The following SHC1 variants were observed in gnomAD, a reference collection of about 807,000 sequenced individuals.
SHC1 encodes SHC adaptor protein 1.
A neutral mutation model predicts 55.9 loss-of-function variants in SHC1; 30 were observed. The observed-to-expected ratio is 0.54, with a 90% CI of 0.40 to 0.73. The LOEUF (loss-of-function observed/expected upper bound fraction) is 0.73, where lower values mean the gene tolerates loss of function less well. Among genes scored for constraint, SHC1 ranks in the 30% least tolerant of loss-of-function variants. The probability of loss-of-function intolerance (pLI) is 0.00; values close to 1 mark genes in which losing one functional copy is unlikely to be tolerated. For synonymous variants in SHC1, 309 were observed against 306.1 expected (o/e 1.01, Z -0.10); for missense variants, 675 against 777.1 (o/e 0.87, Z 1.56).
chr1:154,974,220 A>C (rs6661212), upstream of SHC1: 7,657 of 166,374 alleles, frequency 0.046, 236 homozygotes, highest in Middle Eastern at 0.1. Flanking sequence ...AGAGTGAGTC[A>C]CCTAAGGAGA....
intron 2 of SHC1, 142 bp downstream of exon 2, chr1:154,969,236 A>G (rs557992749): frequency 3.0e-6 from 2 of 661,832 alleles, no homozygotes; most frequent in South Asian, 3.5e-5. Flanking sequence ...AGGCGGAATC[A>G]CTACCTCAGC....
In SHC1 at chr1:154,970,147, C is replaced by G; in HGVS notation, c.380G>C (p.Gly127Ala). 6.2e-7 allele frequency: 1 copy of G among 1,613,428 alleles called. No individual in the cohort carries two copies. Among genetic ancestry groups the G allele is most frequent in the African/African-American group, 1.3e-5 (1 of 75,026 alleles). The change falls in exon 1 of 12, where the codon GGC (glycine) becomes GCC (alanine). Residue 127 changes from glycine to alanine, a missense_variant. This residue lies in a region of SHC1 where 159 missense variants were observed against 246.9 expected (regional missense o/e 0.64). Coordinates refer to ENST00000448116, the MANE Select transcript of SHC1 (RefSeq NM_001130040.2). This position sits in a 1 kb window ranked among gnomAD's most constrained non-coding sequence, Gnocchi z 5.5. The stretch of plus-strand genomic sequence containing the variant: ...GGTCCACTCCTCGCCCCCAAGCTGG[C>G]CCCCTTCCACCCGAGTCCTGCGCCC... ...GGGRRTRVEG[G>A]QLGGEEWTRH...
At chr1:154,964,167 G>A (rs760385145) in intron 11 of SHC1, 3 of 652,798 alleles carry the variant, frequency 4.6e-6, no homozygotes, top group South Asian at 4.4e-5. Context: ...CTGAAAGAGT[G>A]AAGCTGAGAG....
At position 154,968,004 on chromosome 1, in the gene SHC1, C is replaced by T; in HGVS notation, c.832G>A (p.Ala278Thr). Residue 278 changes from alanine to threonine, a missense_variant, in exon 6 of 12, where the codon GCC becomes ACC. This residue lies in a region of SHC1 where 159 missense variants were observed against 246.9 expected (regional missense o/e 0.64). Transcript: ENST00000448116. ...CCTCTCTGATTCACAGGGTCTTTGG[C>T]AACATAGGCGACATACTCGGCTGTG... is the stretch of plus-strand genomic sequence containing the variant. ...PDTAEYVAYVAKDPVNQRACH... is the reference protein window; with the variant it reads ...PDTAEYVAYVTKDPVNQRACH... The T allele has an allele frequency of 6.2e-7, 1 of 1,614,152 alleles. No individual in the cohort carries two copies. The highest frequency in any genetic ancestry group is 1.1e-5 in the South Asian group (1 of 91,078).
rs569637595 is a variant in SHC1 at position 154,967,343 on chromosome 1, A to G, written c.983+328T>C. ...AACCCAAATTCTTGATGGCTTCTAG[A>G]GGCAGGAAAACACATAATGCCAAGC... On this transcript the variant is annotated intron_variant, in intron 7 of 11. Transcript: ENST00000448116. Among the ~76,000 whole-genome samples, 10 of 152,282 alleles carry G rather than the reference A, an allele frequency of 6.6e-5. 1 individual carries two copies. The highest frequency in any genetic ancestry group is 2.2e-4 in the African/African-American group (9 of 41,552).
Position 154,968,258 on chromosome 1 carries a change from C to A in SHC1, c.751-1G>T. ...ATTGCATGTGGTGGTTGGCGATGAT[C>A]TGAGAATTAGGGCAGGGGATGAAGA... On this transcript the variant is annotated splice_acceptor_variant, in intron 4 of 11. Transcript: ENST00000448116. LOFTEE classifies it high-confidence loss of function. The A allele has an allele frequency of 6.2e-7, 1 of 1,614,136 alleles. No homozygotes were observed. The highest frequency in any genetic ancestry group is 8.5e-7 in the Non-Finnish European group (1 of 1,180,002).
At chr1:154,964,373 C>CAA in intron 11 of SHC1, 5 of 359,642 alleles carry the variant, frequency 1.4e-5, no homozygotes, top group Non-Finnish European at 1.7e-5. Context: ...CCATCTCTAC[C>CAA]AAAAAAAAAA....
At chr1:154,964,184 AC>A in intron 11 of SHC1, 1 of 599,698 alleles carries the variant, frequency 1.7e-6, no homozygotes, top group South Asian at 1.5e-5. Context: ...AGAGCTATAT[AC>A]CCCTTTCTTG....
rs143810461 is a variant in SHC1 at position 154,965,625 on chromosome 1, G to A, written c.1544C>T (p.Thr515Met). The stretch of plus-strand genomic sequence containing the variant: ...GAGCACATACTGGCCAGGTGTGGTC[G>A]TGCTCTCCCGTACCAGGAAGTCCCC... ...LNGDFLVRES[T>M]TTPGQYVLTG... The change falls in exon 11 of 12, where the codon ACG becomes ATG. Residue 515 changes from threonine to methionine, a missense_variant. Thr to Met is a moderately conservative substitution (Grantham distance 81). Around this residue, in one of 3 missense-constraint regions of SHC1, gnomAD observed 360 missense variants for 371.1 expected, o/e 0.97. Coordinates refer to ENST00000448116, the MANE Select transcript of SHC1 (RefSeq NM_001130040.2). 35 of 1,613,998 alleles carry A rather than the reference G, an allele frequency of 2.2e-5. No individual in the cohort carries two copies. The highest frequency in any genetic ancestry group is 2.0e-4 in the Admixed American group (12 of 59,994).
intron 11 of SHC1, chr1:154,964,228 A>G (rs1190448458): frequency 2.0e-6 from 1 of 510,086 alleles, no homozygotes; most frequent in Non-Finnish European, 4.0e-6. Flanking sequence ...TCAGAAGAGT[A>G]TACACAGTGC....
chr1:154,974,088 G>A (rs2102214966), upstream of SHC1, among the ~76,000 whole-genome samples: 1 of 152,190 alleles, frequency 6.6e-6, no homozygotes, highest in Non-Finnish European at 1.5e-5. Flanking sequence ...TAAAAATCAA[G>A]TCGGGGTTCG....
At chr1:154,968,279 G>A (rs374354220) in intron 4 of SHC1, 22 bp from the exon 5 acceptor site, 54 of 1,613,152 alleles carry the variant, frequency 3.3e-5, no homozygotes, top group Middle Eastern at 1.6e-4. Context: ...GGCAGGGGAT[G>A]AAGAAGGAAG....
chr1:154,969,375 A>C lies in SHC1; in HGVS notation c.566+3T>G. ...TCCCACAATCCACTCCCTCCCCACT[A>C]ACCTGGTGACCTGAGTCCGGGTGTT... On this transcript the variant is annotated splice_donor_region_variant and intron_variant, in intron 2 of 11. Coordinates refer to ENST00000448116, the MANE Select transcript of SHC1 (RefSeq NM_001130040.2). 1 of 1,605,122 alleles carries C rather than the reference A, an allele frequency of 6.2e-7. No homozygotes were observed.
At chr1:154,964,446 CAAAAA>C (rs567273894) in intron 11 of SHC1, 4 of 344,642 alleles carry the variant, frequency 1.2e-5, no homozygotes, top group Non-Finnish European at 2.3e-5. Flanking sequence ...AACCCTATCT[CAAAAA>C]AAAAGAAAGG....
Position 154,966,444 on chromosome 1 carries a change from A to G in SHC1, c.1057T>C (p.Phe353Leu). The stretch of plus-strand genomic sequence containing the variant: ...CCCAAGGGGGGTTCCTTCCCCGGGA[A>G]GTCATTATAGTACTGATGGTCAGGT... ...EPPDHQYYND[F>L]PGKEPPLGGV... Residue 353 changes from phenylalanine to leucine, a missense_variant, in exon 8 of 12, where the codon TTC (phenylalanine) becomes CTC (leucine). This residue lies in a region of SHC1 where 360 missense variants were observed against 371.1 expected (regional missense o/e 0.97). Coordinates refer to ENST00000448116, the MANE Select transcript of SHC1 (RefSeq NM_001130040.2). 1.2e-6 allele frequency: 2 copies of G among 1,613,052 alleles called. No homozygotes were observed. The highest frequency in any genetic ancestry group is 8.5e-7 in the Non-Finnish European group (1 of 1,179,502).
Position 154,963,455 on chromosome 1 carries a change from C to T in SHC1, c.*348G>A, listed in dbSNP as rs1655542061. 2 of 237,148 alleles carry T rather than the reference C, an allele frequency of 8.4e-6. No individual in the cohort carries two copies. Among genetic ancestry groups the T allele is most frequent in the Admixed American group, 9.7e-5 (2 of 20,674 alleles). 14.7% of individuals were successfully genotyped at this position (237,148 alleles called of 1,614,324 possible). On this transcript the variant is annotated 3_prime_UTR_variant, in exon 12 of 12. Transcript: ENST00000448116. ...CAGAGGTGTGATTTGTTCCCCCTTGCCCAGAAGGGTGACTGTTCCACTGGG... is the reference window on the plus strand; with the variant it reads ...CAGAGGTGTGATTTGTTCCCCCTTGTCCAGAAGGGTGACTGTTCCACTGGG...
chr1:154,966,356 G>C lies in SHC1; in HGVS notation c.1145C>G (p.Pro382Arg), dbSNP rs749596519. 14 of 1,614,100 alleles carry C rather than the reference G, an allele frequency of 8.7e-6. No individual in the cohort carries two copies. Among genetic ancestry groups the C allele is most frequent in the Non-Finnish European group, 1.2e-5 (14 of 1,179,956 alleles). Residue 382 changes from proline (P) to arginine (R), a missense_variant, in exon 8 of 12, where the codon CCC becomes CGC. Pro to Arg is a moderately radical substitution (Grantham distance 103, BLOSUM62 -2). Around this residue, in one of 3 missense-constraint regions of SHC1, gnomAD observed 360 missense variants for 371.1 expected, o/e 0.97. Coordinates refer to ENST00000448116, the MANE Select transcript of SHC1 (RefSeq NM_001130040.2). Reference protein sequence around the residue: ...AAPGAARPTAPNAQTPSHLGA... With the variant: ...AAPGAARPTARNAQTPSHLGA... ...CAAGTGGCTGGGGGTCTGGGCATTG[G>C]GTGCAGTGGGTCGAGCAGCCCCTGG...
upstream of SHC1, chr1:154,973,211 T>C (rs1223199273): frequency 6.6e-6 from 1 of 152,064 alleles, no homozygotes; most frequent in Non-Finnish European, 1.5e-5. Context: ...TGGAGGAGGT[T>C]AAGAAAGAGG....
upstream of SHC1, among the ~76,000 whole-genome samples, chr1:154,972,351 AAC>A (rs1194154204): frequency 1.3e-5 from 2 of 152,222 alleles, no homozygotes; most frequent in Non-Finnish European, 2.9e-5. Context: ...TAACAACATT[AAC>A]ACTTGAAGTG....
Sources: allele counts gnomAD v4.1 joint callset (sites outside exome capture counted in the v4.1 genomes callset), GRCh38; gene constraint gnomAD v4.1.1; regional missense constraint gnomAD v4.1.1; non-coding constraint Gnocchi (gnomAD v3.1); transcripts MANE v1.5; gene names NCBI Gene and HGNC (gene_info 2026-07-23, HGNC 2026-07-21).